Variants in PHLDB1 observed in about 807,000 individuals in gnomAD.
PHLDB1 encodes pleckstrin homology like domain family B member 1.
Under a neutral mutation model 139.3 loss-of-function variants are expected in PHLDB1, and 65 were observed. The ratio of observed to expected loss-of-function variants is 0.47; its 90% CI spans 0.38 to 0.57. The LOEUF is 0.57. Ranked by LOEUF, PHLDB1 falls within the 20% of genes least tolerant of loss-of-function variation. The probability of loss-of-function intolerance (pLI) is 0.00; values close to 1 mark genes in which losing one functional copy is unlikely to be tolerated. For missense variants in PHLDB1, 1,624 were observed against 1,839.7 expected, an observed-to-expected ratio of 0.88 and a Z score of 2.14; for synonymous variants, 679 against 734.5, an observed-to-expected ratio of 0.92 and a Z score of 1.22.
At chr11:118,618,980 G>T (rs868979406) in intron 4 of PHLDB1, among the ~76,000 whole-genome samples, 1 of 152,086 alleles carries the variant, frequency 6.6e-6, no homozygotes, top group Non-Finnish European at 1.5e-5. Flanking sequence ...ATAGGAGCAT[G>T]AAGTGAGGGA....
Position 118,650,475 on chromosome 11 carries a change from G to C in PHLDB1, c.3802G>C (p.Gly1268Arg). 1 of 1,614,084 alleles carries C rather than the reference G, an allele frequency of 6.2e-7. No individual in the cohort carries two copies. The highest frequency in any genetic ancestry group is 8.5e-7 in the Non-Finnish European group (1 of 1,179,950). The change falls in exon 20 of 23, where the codon GGC becomes CGC. Residue 1268 changes from glycine (G) to arginine (R), a missense_variant. Physicochemically the swap from Gly to Arg is moderately radical, Grantham distance 125 (BLOSUM62 -2). Coordinates refer to ENST00000600882, the MANE Select transcript of PHLDB1 (RefSeq NM_001144758.3). The surrounding 1 kb of genome is among the most constrained non-coding windows in gnomAD (Gnocchi z 4.7). ...VCRGYLVKMG[G>R]KIKSWKKRWF... is the part of the protein sequence containing the mutation. Reference sequence around the variant, plus strand: ...CCGTGGCTACTTGGTCAAGATGGGCGGCAAGATTAAATCATGGAAGAAGCG... The same window carrying C: ...CCGTGGCTACTTGGTCAAGATGGGCCGCAAGATTAAATCATGGAAGAAGCG...
chr11:118,610,366 C>A lies in PHLDB1; in HGVS notation c.-22+2667C>A. On this transcript the variant is annotated intron_variant, in intron 1 of 22. Coordinates refer to ENST00000600882, the MANE Select transcript of PHLDB1 (RefSeq NM_001144758.3). The surrounding 1 kb of genome is among the most constrained non-coding windows in gnomAD (Gnocchi z 8.7). Reference sequence around the variant, plus strand: ...GGGCTCCCCGCCTCAGTTTCCTTCCCTTCCTGACTCCTTCCTCTGACGGCG... The same window carrying A: ...GGGCTCCCCGCCTCAGTTTCCTTCCATTCCTGACTCCTTCCTCTGACGGCG... 3 of 788,308 alleles carry A rather than the reference C, an allele frequency of 3.8e-6. No individual in the cohort carries two copies. Among genetic ancestry groups the A allele is most frequent in the Non-Finnish European group, 4.6e-6 (3 of 649,532 alleles). The allele number at this position is 788,308 out of a possible 1,614,324, so 48.8% of individuals were successfully genotyped here.
In PHLDB1 at chr11:118,635,040, C is replaced by A. The variant is rs566364095; in HGVS notation, c.2380-353C>A. The A allele has an allele frequency of 2.4e-4, 119 of 497,280 alleles. 2 individuals are homozygous for A. In the East Asian group the frequency reaches 6.2e-3, roughly 26 times the overall value. The allele number at this position is 497,280 out of a possible 1,614,324, so 30.8% of individuals were successfully genotyped here. A position where few individuals can be genotyped will look rare whatever the true frequency, so the allele number is the denominator to read the frequency against. On this transcript the variant is annotated intron_variant, in intron 9 of 22. Transcript: ENST00000600882. ...GTCAGTGCGGGAACAGTTACAGGAG[C>A]AGCTGAGAAGGGTCAGTTCCACCGC...
At chr11:118,619,902 C>G (rs564482619) in intron 4 of PHLDB1, among the ~76,000 whole-genome samples, 1 of 152,296 alleles carries the variant, frequency 6.6e-6, no homozygotes, top group South Asian at 2.1e-4. Context: ...GAAAGGAAAG[C>G]TATGCCTGGG....
intron 1 of PHLDB1, 56 bp from the exon 2 acceptor site, chr11:118,613,757 ACTT>A: frequency 9.7e-7 from 1 of 1,033,028 alleles, no homozygotes; most frequent in Non-Finnish European, 1.5e-6. Flanking sequence ...CACAGAACCT[ACTT>A]CTTTCCCTCT....
At chr11:118,623,031 C>G (rs1555096613) in intron 4 of PHLDB1, among the ~76,000 whole-genome samples, 1 of 152,158 alleles carries the variant, frequency 6.6e-6, no homozygotes, top group African/African-American at 2.4e-5. Context: ...CAAGCAATGC[C>G]CAGGATCCCA....
rs1287972243 is a variant in PHLDB1 at position 118,611,476 on chromosome 11, C to T, written c.-21-2340C>T. 1.3e-5 allele frequency among the ~76,000 whole-genome samples: 2 copies of T among 152,166 alleles called. No individual in the cohort carries two copies. Among genetic ancestry groups the T allele is most frequent in the Non-Finnish European group, 2.9e-5 (2 of 68,046 alleles). On this transcript the variant is annotated intron_variant, in intron 1 of 22. Coordinates refer to ENST00000600882, the MANE Select transcript of PHLDB1 (RefSeq NM_001144758.3). This position sits in a 1 kb window ranked among gnomAD's most constrained non-coding sequence, Gnocchi z 4.7. ...AGCACACCACAGCTGCCCCACACGGCGATAGTGACCAATACTCCAATATGA... is the reference window on the plus strand; with the variant it reads ...AGCACACCACAGCTGCCCCACACGGTGATAGTGACCAATACTCCAATATGA...
chr11:118,633,157 C>G (rs1218288625), intron 9 of PHLDB1: 3 of 152,364 alleles, frequency 2.0e-5, no homozygotes, highest in Non-Finnish European at 4.4e-5. Flanking sequence ...CCAGGTAGGG[C>G]TGAGCCATGC....
rs1939929837 is a variant in PHLDB1, at chr11:118,610,426, C to G, written c.-22+2727C>G. The stretch of plus-strand genomic sequence containing the variant: ...CGAGGGCGGATGTGCGCCTGGAGGG[C>G]GAAGGCGGCGGCCGAGAGGACCCCA... On this transcript the variant is annotated intron_variant, in intron 1 of 22. Transcript: ENST00000600882. The surrounding 1 kb of genome is among the most constrained non-coding windows in gnomAD (Gnocchi z 8.7). 1.0e-6 allele frequency: 1 copy of G among 984,920 alleles called. No individual in the cohort carries two copies. The highest frequency in any genetic ancestry group is 1.2e-6 in the Non-Finnish European group (1 of 829,490). The allele number at this position is 984,920 out of a possible 1,614,324, so 61.0% of individuals were successfully genotyped here.
chr11:118,642,058 C>G, intron 12 of PHLDB1, 196 bp from the exon 13 acceptor site: 367 of 552,076 alleles, frequency 6.6e-4, no homozygotes, highest in Middle Eastern at 7.3e-4. Flanking sequence ...CTCCTTTCTC[C>G]CTTCCTTCCT....
intron 17 of PHLDB1, 49 bp from the exon 18 acceptor site, chr11:118,647,881 G>C (rs1214027385): frequency 4.5e-6 from 7 of 1,539,248 alleles, no homozygotes; most frequent in Admixed American, 2.0e-5. Flanking sequence ...GAGGGCCAGT[G>C]GGGGGAAGAG....
At chr11:118,623,696 G>T (rs377518464) in intron 4 of PHLDB1, among the ~76,000 whole-genome samples, 1 of 149,494 alleles carries the variant, frequency 6.7e-6, no homozygotes, top group South Asian at 2.1e-4. Context: ...GGACCCCCCC[G>T]GTTCATCTGA....
Position 118,632,989 on chromosome 11 carries a change from C to A in PHLDB1, c.2379+693C>A. The A allele has an allele frequency of 3.9e-6, 1 of 259,566 alleles. No homozygotes were observed. The highest frequency in any genetic ancestry group is 5.5e-6 in the Non-Finnish European group (1 of 180,340). 16.1% of individuals were successfully genotyped at this position (259,566 alleles called of 1,614,324 possible). A position where few individuals can be genotyped will look rare whatever the true frequency, so the allele number is the denominator to read the frequency against. On this transcript the variant is annotated intron_variant, in intron 9 of 22. Transcript: ENST00000600882. The surrounding 1 kb of genome is among the most constrained non-coding windows in gnomAD (Gnocchi z 5.9). ...TTTGAGAATCTTAAAAATTCTTTGA[C>A]CCTTTTTTTTTTTTTTTGGAGCTTT... is the stretch of plus-strand genomic sequence containing the variant.
In PHLDB1 at chr11:118,631,964, G is replaced by T; in HGVS notation, c.2152G>T (p.Glu718Ter). 6.2e-7 allele frequency: 1 copy of T among 1,614,180 alleles called. No homozygotes were observed. Among genetic ancestry groups the T allele is most frequent in the Non-Finnish European group, 8.5e-7 (1 of 1,180,018 alleles). ...KLQGEVLALE[E>*]ERAQVLGHVE... ...CCAGGGAGAGGTGCTAGCCCTGGAA[G>T]AAGAGCGGGCTCAGGTGCTGGGGCA... Residue 718 changes from glutamate (E) to a stop codon, truncating the protein, a stop_gained, in exon 8 of 23, where the codon GAA becomes TAA. Transcript: ENST00000600882. LOFTEE classifies it high-confidence loss of function.
Position 118,645,612 on chromosome 11 carries a change from C to G in PHLDB1, c.3378C>G (p.Thr1126=). Residue 1126 remains threonine (T), a synonymous_variant, in exon 16 of 23, where the codon ACC becomes ACG. Coordinates refer to ENST00000600882, the MANE Select transcript of PHLDB1 (RefSeq NM_001144758.3). The surrounding 1 kb of genome is among the most constrained non-coding windows in gnomAD (Gnocchi z 5.1). ...ACAGCATGGAGACCAGCATCTCCAC[C>G]GGGGGCAACTCGGCCTGCTCCCCTG... ...SSDSMETSIS[T]GGNSACSPDN... 1 of 1,613,238 alleles carries G rather than the reference C, an allele frequency of 6.2e-7. No individual in the cohort carries two copies. The highest frequency in any genetic ancestry group is 8.5e-7 in the Non-Finnish European group (1 of 1,179,372).
chr11:118,643,752 G>A (rs1555123482), intron 13 of PHLDB1, 48 bp from the exon 14 acceptor site: 1 of 1,613,596 alleles, frequency 6.2e-7, no homozygotes, highest in South Asian at 1.1e-5. Flanking sequence ...TGGGGGAGGT[G>A]GCCAATGGGG....
chr11:118,608,865 C>T lies in PHLDB1; in HGVS notation c.-22+1166C>T, dbSNP rs1939595442. On this transcript the variant is annotated intron_variant, in intron 1 of 22. Coordinates refer to ENST00000600882, the MANE Select transcript of PHLDB1 (RefSeq NM_001144758.3). The surrounding 1 kb of genome is among the most constrained non-coding windows in gnomAD (Gnocchi z 6.7). ...CCCCTCACACCCGCAGCCCCGCTTA[C>T]ACGCGCCCCAGCTCACACATGCACC... Among the ~76,000 whole-genome samples, 1 of 151,958 alleles carries T rather than the reference C, an allele frequency of 6.6e-6. No homozygotes were observed. The highest frequency in any genetic ancestry group is 1.5e-5 in the Non-Finnish European group (1 of 67,964).
intron 12 of PHLDB1, chr11:118,639,644 G>A: frequency 4.1e-6 from 1 of 246,610 alleles, no homozygotes. Flanking sequence ...CCTGAGTTAG[G>A]CATTTGTCTC....
At chr11:118,630,141 G>A in intron 6 of PHLDB1, 2 of 1,039,990 alleles carry the variant, frequency 1.9e-6, no homozygotes, top group Non-Finnish European at 2.6e-6. Context: ...TTGGGTTCAT[G>A]GCCAAACTGT....
Sources: allele counts gnomAD v4.1 joint callset (sites outside exome capture counted in the v4.1 genomes callset), GRCh38; gene constraint gnomAD v4.1.1; non-coding constraint Gnocchi (gnomAD v3.1); transcripts MANE v1.5; gene names NCBI Gene and HGNC (gene_info 2026-07-23, HGNC 2026-07-21).